The following PCDH15 variants were observed in gnomAD, a reference collection of about 807,000 sequenced individuals.
The protein encoded by PCDH15 is protocadherin-15.
Under a neutral mutation model 178.5 loss-of-function variants are expected in PCDH15, and 129 were observed. That is an observed-to-expected ratio of 0.72 (90% CI 0.63 to 0.84). PCDH15 has a LOEUF of 0.84. PCDH15 is among the 40% of genes least tolerant of loss of function. The pLI is 0.00. For synonymous variants in PCDH15, 800 were observed against 732.0 expected (o/e 1.09, Z -1.50); for missense variants, 2,230 against 2,099.9 (o/e 1.06, Z -1.21).
intron 1 of PCDH15, among the ~76,000 whole-genome samples, chr10:55,249,248 A>G (rs10128119): frequency 0.058 from 8,865 of 152,266 alleles, 279 homozygotes; most frequent in East Asian, 0.12. Context: ...CATAATAGCA[A>G]TCATCTCTAG....
intron 27 of PCDH15, among the ~76,000 whole-genome samples, chr10:53,861,130 A>G (rs1026217293): frequency 3.3e-5 from 5 of 152,154 alleles, no homozygotes; most frequent in African/African-American, 4.8e-5. Context: ...GGTTTGTTTT[A>G]TCATCTATAA....
At chr10:55,330,400 T>C (rs2132309681) in intron 2 of PCDH15, among the ~76,000 whole-genome samples, 1 of 151,958 alleles carries the variant, frequency 6.6e-6, no homozygotes, top group Non-Finnish European at 1.5e-5. Flanking sequence ...AAACCACCAA[T>C]ATTAGGTATT....
intron 3 of PCDH15, among the ~76,000 whole-genome samples, chr10:54,446,057 A>AT (rs911863219): frequency 5.9e-5 from 9 of 151,442 alleles, no homozygotes; most frequent in African/African-American, 1.9e-4. Context: ...TAAAGGGCAG[A>AT]TTTTTTCTCA....
chr10:55,000,341 T>G (rs1192634841), intron 2 of PCDH15, among the ~76,000 whole-genome samples: 1 of 152,218 alleles, frequency 6.6e-6, no homozygotes, highest in Admixed American at 6.5e-5. Flanking sequence ...TTCTCCCATT[T>G]GCTTTTGAAA....
At chr10:53,825,046 C>A (rs2076584162) in intron 32 of PCDH15, 1 of 1,337,298 alleles carries the variant, frequency 7.5e-7, no homozygotes, top group African/African-American at 1.5e-5. Flanking sequence ...AGATGAAGAT[C>A]ACTGTATTTA....
At chr10:55,390,665 T>C (rs1487444250) in intron 2 of PCDH15, among the ~76,000 whole-genome samples, 2 of 152,206 alleles carry the variant, frequency 1.3e-5, no homozygotes, top group Non-Finnish European at 2.9e-5. Context: ...ATTTCTAAAA[T>C]AATGAGACTT....
intron 1 of PCDH15, among the ~76,000 whole-genome samples, chr10:55,233,354 C>T (rs1222091854): frequency 1.3e-5 from 2 of 152,062 alleles, no homozygotes; most frequent in Non-Finnish European, 2.9e-5. Context: ...AAAGTTATTT[C>T]TACCTCACAA....
chr10:54,979,059 G>A (rs940396341), intron 2 of PCDH15, among the ~76,000 whole-genome samples: 1 of 152,100 alleles, frequency 6.6e-6, no homozygotes, highest in South Asian at 2.1e-4. Context: ...TTTTATAGGT[G>A]AAGAAACAGG....
intron 2 of PCDH15, among the ~76,000 whole-genome samples, chr10:55,454,774 C>G (rs1192597365): frequency 1.0e-5 from 1 of 97,732 alleles, no homozygotes; most frequent in African/African-American, 4.9e-5. Context: ...AACAGAGACT[C>G]TGTCTCAAAA....
intron 3 of PCDH15, among the ~76,000 whole-genome samples, chr10:54,819,000 C>T (rs1952993077): frequency 6.6e-6 from 1 of 151,954 alleles, no homozygotes; most frequent in Non-Finnish European, 1.5e-5. Context: ...TCATAGTTCA[C>T]TGTAAACTTG....
At chr10:54,678,713 G>A (rs1240271698) in intron 1 of PCDH15, among the ~76,000 whole-genome samples, 1 of 152,110 alleles carries the variant, frequency 6.6e-6, no homozygotes, top group Non-Finnish European at 1.5e-5. Context: ...ATGTATTTGT[G>A]AAGGTGAAAG....
In PCDH15 at chr10:54,436,050, GA is replaced by G. The variant is rs1441204309; in HGVS notation, c.158-57109del. On this transcript the variant is annotated intron_variant, in intron 3 of 37. Coordinates refer to ENST00000644397, the MANE Select transcript of PCDH15 (RefSeq NM_001384140.1). ...AGGAGAGGAGAGAGAGAGAGAGAGA[GA>G]AAAGAAAGAAAGAAAGAAAGAAGGA... Among the ~76,000 whole-genome samples, 27 of 134,176 alleles carry G rather than the reference GA, an allele frequency of 2.0e-4. 1 individual carries two copies. Among genetic ancestry groups the G allele is most frequent in the African/African-American group, 6.5e-4 (20 of 30,660 alleles). The allele number at this position is 134,176 out of a possible 152,430, so 88.0% of individuals were successfully genotyped here.
intron 2 of PCDH15, among the ~76,000 whole-genome samples, chr10:55,424,365 T>C (rs1010848668): frequency 6.6e-6 from 1 of 152,116 alleles, no homozygotes; most frequent in African/African-American, 2.4e-5. Flanking sequence ...AAATTAAAAG[T>C]TGGATGTTGG....
intron 8 of PCDH15, among the ~76,000 whole-genome samples, chr10:54,241,244 G>C (rs79568236): frequency 3.3e-5 from 5 of 152,076 alleles, no homozygotes; most frequent in Non-Finnish European, 7.4e-5. Flanking sequence ...AATTGCTGTT[G>C]CTTATTCTCT....
intron 2 of PCDH15, among the ~76,000 whole-genome samples, chr10:54,615,183 C>T (rs2093093915): frequency 6.6e-6 from 1 of 152,024 alleles, no homozygotes; most frequent in Admixed American, 6.6e-5. Flanking sequence ...AATAAACACG[C>T]ATTAAATAAG....
rs551835436 is a variant in PCDH15, at chr10:55,426,230, G to A, written c.-156+201395C>T. 2.0e-5 allele frequency among the ~76,000 whole-genome samples: 3 copies of A among 152,140 alleles called. No homozygotes were observed. In the South Asian group the frequency reaches 6.2e-4, roughly 32 times the overall value. On this transcript the variant is annotated intron_variant, in intron 2 of 5. Transcript: ENST00000613346. Reference sequence around the variant, plus strand: ...AGGATATTCCCCTGACCTCTTGGTGGGACTCGTGAAGGTAGTGCCGGGTTT... The same window carrying A: ...AGGATATTCCCCTGACCTCTTGGTGAGACTCGTGAAGGTAGTGCCGGGTTT...
intron 2 of PCDH15, among the ~76,000 whole-genome samples, chr10:55,509,122 G>A (rs948946837): frequency 6.6e-6 from 1 of 151,746 alleles, no homozygotes; most frequent in African/African-American, 2.4e-5. Flanking sequence ...AGAGAGATAA[G>A]TCCAACCAAT....
intron 12 of PCDH15, among the ~76,000 whole-genome samples, chr10:54,184,502 A>T (rs1373240548): frequency 1.3e-5 from 2 of 152,020 alleles, no homozygotes; most frequent in Non-Finnish European, 2.9e-5. Flanking sequence ...AAATATTTAC[A>T]ATCACAACTT....
At chr10:55,154,714 G>A (rs10825475) in intron 2 of PCDH15, among the ~76,000 whole-genome samples, 81,979 of 151,864 alleles carry the variant, frequency 0.54, 23,869 homozygotes, top group Non-Finnish European at 0.65. Context: ...TCATAAAAGG[G>A]CAAATAGAAT....
Sources: allele counts gnomAD v4.1 joint callset (sites outside exome capture counted in the v4.1 genomes callset), GRCh38; gene constraint gnomAD v4.1.1; transcripts MANE v1.5; gene names NCBI Gene and HGNC (gene_info 2026-07-23, HGNC 2026-07-21).